Variants in PTPRA observed in about 807,000 individuals in gnomAD.
PTPRA encodes the protein protein tyrosine phosphatase receptor type A.
In PTPRA, 25 loss-of-function variants were observed where a neutral mutation model predicts 104.8. The observed-to-expected ratio is 0.24, with a 90% CI of 0.17 to 0.33. The LOEUF is 0.33. PTPRA is among the 10% of genes least tolerant of loss of function. PTPRA has a pLI of 1.00. For synonymous variants in PTPRA, 323 were observed against 368.9 expected (o/e 0.88, Z 1.43); for missense variants, 765 against 1,015.3 (o/e 0.75, Z 3.35).
chr20:2,944,039 CTTTTT>C (rs398061270), intron 2 of PTPRA, among the ~76,000 whole-genome samples: 2 of 127,594 alleles, frequency 1.6e-5, no homozygotes. Flanking sequence ...CTCTACTGGT[CTTTTT>C]TTTTTTTTTT....
At chr20:3,021,273 T>C (rs1170542969) in intron 13 of PTPRA, 36 bp from the exon 14 acceptor site, 1 of 1,612,544 alleles carries the variant, frequency 6.2e-7, no homozygotes, top group Non-Finnish European at 8.5e-7. Flanking sequence ...GGGCAGGAGG[T>C]CTAAGGTCAG....
chr20:2,974,416 C>T (rs1020796837), intron 5 of PTPRA, among the ~76,000 whole-genome samples: 1 of 149,978 alleles, frequency 6.7e-6, no homozygotes, highest in Non-Finnish European at 1.5e-5. Flanking sequence ...GTGCCCAGCC[C>T]ATTTTGGTTT....
At chr20:2,889,516 A>G (rs1418204530) in intron 1 of PTPRA, among the ~76,000 whole-genome samples, 1 of 152,204 alleles carries the variant, frequency 6.6e-6, no homozygotes, top group African/African-American at 2.4e-5. Flanking sequence ...GCTTTTCATT[A>G]GCTGAATCTG....
intron 11 of PTPRA, among the ~76,000 whole-genome samples, chr20:3,010,860 G>A (rs543739804): frequency 7.9e-5 from 12 of 152,262 alleles, no homozygotes; most frequent in African/African-American, 2.6e-4. Context: ...TGAGCCTGGG[G>A]AATGGGCACC....
Position 2,873,905 on chromosome 20 carries a change from C to T in PTPRA, c.-129+145C>T, listed in dbSNP as rs998634345. Reference sequence around the variant, plus strand: ...TTTCCGGGTAGAAGCCTGCGGGCGCCTGCAGGTTGATTGTGCATCCTTGCG... The same window carrying T: ...TTTCCGGGTAGAAGCCTGCGGGCGCTTGCAGGTTGATTGTGCATCCTTGCG... On this transcript the variant is annotated intron_variant, in intron 1 of 23. Transcript: ENST00000399903. This position sits in a 1 kb window ranked among gnomAD's most constrained non-coding sequence, Gnocchi z 4.4. 6.6e-6 allele frequency: 1 copy of T among 152,222 alleles called. No individual in the cohort carries two copies. The highest frequency in any genetic ancestry group is 2.4e-5 in the African/African-American group (1 of 41,436). The allele number at this position is 152,222 out of a possible 1,614,324, so 9.4% of individuals were successfully genotyped here.
intron 1 of PTPRA, among the ~76,000 whole-genome samples, chr20:2,900,934 A>G (rs1364869884): frequency 1.3e-5 from 2 of 150,940 alleles, no homozygotes; most frequent in African/African-American, 4.9e-5. Flanking sequence ...TTCCCTCCCT[A>G]GACATCATTC....
intron 6 of PTPRA, among the ~76,000 whole-genome samples, chr20:2,978,769 G>A (rs544798084): frequency 6.6e-6 from 1 of 152,280 alleles, no homozygotes; most frequent in South Asian, 2.1e-4. Context: ...CTCTGCCTTT[G>A]TAATGTAAAA....
chr20:2,909,330 A>T (rs2059538309), intron 1 of PTPRA, among the ~76,000 whole-genome samples: 1 of 152,020 alleles, frequency 6.6e-6, no homozygotes, highest in South Asian at 2.1e-4. Flanking sequence ...GCGGTGGCTC[A>T]TGCTTGTAAA....
At chr20:2,980,480 G>A (rs1359090594) in intron 6 of PTPRA, among the ~76,000 whole-genome samples, 1 of 151,946 alleles carries the variant, frequency 6.6e-6, no homozygotes, top group Non-Finnish European at 1.5e-5. Flanking sequence ...CTCGAACCAG[G>A]AGGCCGTTGC....
rs2063802275 is a variant in PTPRA, at chr20:3,005,045, T to C, written c.739-11T>C. ...TGCTAATAATTCCTCTAATTTCTCT[T>C]AACCTTTCAGGCTCTCCCTGCATGT... is the stretch of plus-strand genomic sequence containing the variant. On this transcript the variant is annotated splice_polypyrimidine_tract_variant and intron_variant, in intron 9 of 23. Coordinates refer to ENST00000399903, the MANE Select transcript of PTPRA (RefSeq NM_001385305.1). 1 of 1,584,498 alleles carries C rather than the reference T, an allele frequency of 6.3e-7. No individual in the cohort carries two copies. Among genetic ancestry groups the C allele is most frequent in the Non-Finnish European group, 8.7e-7 (1 of 1,153,370 alleles).
intron 1 of PTPRA, among the ~76,000 whole-genome samples, chr20:2,918,012 C>T (rs2059966129): frequency 6.7e-6 from 1 of 148,510 alleles, no homozygotes; most frequent in Non-Finnish European, 1.5e-5. Context: ...CACTTGAACC[C>T]GGGTGGCAGA....
Position 2,910,408 on chromosome 20 carries a change from G to GTATAT in PTPRA, c.-128-12793_-128-12789dup, listed in dbSNP as rs1555801899. On this transcript the variant is annotated intron_variant, in intron 1 of 23. Coordinates refer to ENST00000399903, the MANE Select transcript of PTPRA (RefSeq NM_001385305.1). ...ATATATTTTATATATAATATATTTTGTATATTATATAATATATAAAATGTA... is the reference window on the plus strand; with the variant it reads ...ATATATTTTATATATAATATATTTTGTATATTATATTATATAATATATAAAATGTA... Among the ~76,000 whole-genome samples, 2 of 60,914 alleles carry GTATAT rather than the reference G, an allele frequency of 3.3e-5. 1 individual carries two copies. The highest frequency in any genetic ancestry group is 6.5e-5 in the Non-Finnish European group (2 of 30,586). 40.0% of individuals were successfully genotyped at this position (60,914 alleles called of 152,430 possible).
At chr20:3,008,907 C>CTT (rs2064015175) in intron 11 of PTPRA, among the ~76,000 whole-genome samples, 1 of 150,908 alleles carries the variant, frequency 6.6e-6, no homozygotes, top group African/African-American at 2.4e-5. Context: ...GTGAGACTGT[C>CTT]TCAAAAAAAA....
At chr20:2,960,316 C>G (rs2061702896) in intron 3 of PTPRA, among the ~76,000 whole-genome samples, 1 of 149,770 alleles carries the variant, frequency 6.7e-6, no homozygotes, top group Non-Finnish European at 1.5e-5. Context: ...GTGGCGCCAT[C>G]TTGGGTCACT....
At chr20:2,944,829 T>C (rs932909093) in intron 2 of PTPRA, among the ~76,000 whole-genome samples, 6 of 152,210 alleles carry the variant, frequency 3.9e-5, no homozygotes, top group African/African-American at 1.4e-4. Context: ...TAGACACAGA[T>C]TTCCTTTTTA....
At chr20:3,028,429 T>C (rs1366523854) in intron 20 of PTPRA, among the ~76,000 whole-genome samples, 1 of 152,150 alleles carries the variant, frequency 6.6e-6, no homozygotes, top group South Asian at 2.1e-4. Flanking sequence ...AAACTCATAC[T>C]AAAAAGGGAC....
intron 1 of PTPRA, among the ~76,000 whole-genome samples, chr20:2,884,823 T>G (rs893686882): frequency 5.3e-5 from 8 of 150,996 alleles, no homozygotes; most frequent in South Asian, 2.1e-4. Context: ...TTTTTTTTTT[T>G]TTTTGAGACG....
intron 1 of PTPRA, among the ~76,000 whole-genome samples, chr20:2,906,962 C>T (rs1242203906): frequency 1.3e-5 from 2 of 152,100 alleles, no homozygotes; most frequent in African/African-American, 4.8e-5. Context: ...TAGATATTTC[C>T]TTGTGCATTA....
chr20:2,944,333 T>C lies in PTPRA; in HGVS notation c.-49-3649T>C, dbSNP rs926530292. Among the ~76,000 whole-genome samples, 25 of 152,280 alleles carry C rather than the reference T, an allele frequency of 1.6e-4. No homozygotes were observed. In the East Asian group the frequency reaches 4.1e-3, roughly 25 times the overall value. ...CTGGGATTACAGGCGTGAGCCACCA[T>C]GCCTGGCCCCTCTGCTGGTCTTGAT... On this transcript the variant is annotated intron_variant, in intron 2 of 23. Transcript: ENST00000399903.
Sources: gnomAD v4.1 joint callset for allele counts (sites outside exome capture counted in the v4.1 genomes callset) on GRCh38, gnomAD v4.1.1 for gene constraint, Gnocchi (gnomAD v3.1) non-coding constraint, MANE v1.5 for transcripts, NCBI Gene and HGNC (gene_info 2026-07-23, HGNC 2026-07-21) for gene names.